Variants in CALN1 observed in about 807,000 individuals in gnomAD.
CALN1 encodes calneuron 1.
A neutral mutation model predicts 30.6 loss-of-function variants in CALN1; 17 were observed. The observed-to-expected ratio is 0.56, with a 90% confidence interval of 0.38 to 0.83. The LOEUF (loss-of-function observed/expected upper bound fraction) is 0.83, where lower values mean the gene tolerates loss of function less well. Ranked by LOEUF, CALN1 falls within the 40% of genes least tolerant of loss-of-function variation. The probability of loss-of-function intolerance (pLI) is 0.00; values close to 1 mark genes in which losing one functional copy is unlikely to be tolerated. For missense variants in CALN1, 291 were observed against 354.9 expected (o/e 0.82, Z 1.45); for synonymous variants, 156 against 131.4 (o/e 1.19, Z -1.28).
intron 5 of CALN1, among the ~76,000 whole-genome samples, chr7:71,878,202 A>C (rs1584428909): frequency 6.6e-6 from 1 of 152,186 alleles, no homozygotes; most frequent in Non-Finnish European, 1.5e-5. Context: ...AAGGATGTCC[A>C]TGAGGTACCA....
At chr7:72,470,926 G>A in the CALN1 span, among the ~76,000 whole-genome samples, 1 of 152,140 alleles carries the variant, frequency 6.6e-6, no homozygotes, top group African/African-American at 2.4e-5. Context: ...TGACCCCCAC[G>A]TGGGGCATCA....
chr7:72,213,752 T>A (rs1792576312), intron 3 of CALN1, among the ~76,000 whole-genome samples: 1 of 152,130 alleles, frequency 6.6e-6, no homozygotes, highest in South Asian at 2.1e-4. Flanking sequence ...TACTCAGCAA[T>A]GCACTCCACT....
Position 72,253,130 on chromosome 7 carries a change from C to T in CALN1, c.244+25556G>A, listed in dbSNP as rs570427879. Among the ~76,000 whole-genome samples the T allele has an allele frequency of 1.2e-4, 19 of 152,310 alleles. No homozygotes were observed. In the South Asian group the frequency reaches 3.1e-3, roughly 25 times the overall value. ...CCTGGACTTAGTCTCTTGGCTGGGT[C>T]CTCAGAGGCTGGACCTCTGTCTGAT... On this transcript the variant is annotated intron_variant, in intron 3 of 6. Transcript: ENST00000395275.
At chr7:72,273,105 A>T (rs1032715574) in intron 3 of CALN1, among the ~76,000 whole-genome samples, 18 of 151,570 alleles carry the variant, frequency 1.2e-4, no homozygotes, top group Non-Finnish European at 2.4e-4. Flanking sequence ...GAAACTGGAG[A>T]CGGCATGCAT....
chr7:72,040,124 T>A (rs138433234), intron 4 of CALN1, among the ~76,000 whole-genome samples: 49 of 152,204 alleles, frequency 3.2e-4, no homozygotes, highest in South Asian at 2.3e-3. Context: ...TAGGAAAAAA[T>A]TCAACTATTT....
chr7:71,895,634 G>A (rs112286357), intron 5 of CALN1, among the ~76,000 whole-genome samples: 163 of 152,236 alleles, frequency 1.1e-3, no homozygotes, highest in African/African-American at 3.8e-3. Context: ...CATGCCAGGT[G>A]CCCAACAAAA....
intron 5 of CALN1, among the ~76,000 whole-genome samples, chr7:71,886,320 T>A (rs1792905777): frequency 1.3e-5 from 2 of 152,256 alleles, no homozygotes; most frequent in African/African-American, 2.4e-5. Context: ...TGAAGTGCCC[T>A]GGAAGGGATT....
intron 3 of CALN1, among the ~76,000 whole-genome samples, chr7:72,222,163 T>C (rs879676207): frequency 1.1e-4 from 17 of 151,758 alleles, no homozygotes; most frequent in Non-Finnish European, 2.1e-4. Context: ...GAGGCAGAGA[T>C]TGCAGTGAGC....
At chr7:72,392,991 C>CTG (rs939592117) in intron 2 of CALN1, among the ~76,000 whole-genome samples, 7 of 151,930 alleles carry the variant, frequency 4.6e-5, no homozygotes, top group Non-Finnish European at 8.8e-5. Context: ...CAGCAAGACT[C>CTG]TGTCACTTAA....
intron 5 of CALN1, among the ~76,000 whole-genome samples, chr7:72,001,001 C>T (rs1254134689): frequency 6.6e-6 from 1 of 151,620 alleles, no homozygotes; most frequent in Non-Finnish European, 1.5e-5. Context: ...AGGCAGTCTC[C>T]CAATAGGTAG....
At chr7:71,972,984 G>A (rs1797923121) in intron 5 of CALN1, among the ~76,000 whole-genome samples, 1 of 152,182 alleles carries the variant, frequency 6.6e-6, no homozygotes, top group African/African-American at 2.4e-5. Context: ...CCAGCCAGGT[G>A]AGAGAATTGT....
chr7:72,209,137 C>T (rs1792135239), intron 3 of CALN1, among the ~76,000 whole-genome samples: 3 of 144,180 alleles, frequency 2.1e-5, no homozygotes, highest in Admixed American at 2.1e-4. Context: ...TTCTCTCCCT[C>T]TTTCATTCCT....
At chr7:72,028,070 A>T (rs954126572) in intron 4 of CALN1, among the ~76,000 whole-genome samples, 1,152 of 113,134 alleles carry the variant, frequency 0.01, 37 homozygotes, top group African/African-American at 0.051. Flanking sequence ...AAAAAAAAAA[A>T]AAAAAAAAAA....
intron 5 of CALN1, among the ~76,000 whole-genome samples, chr7:72,022,629 A>C (rs1281151050): frequency 6.6e-6 from 1 of 152,164 alleles, no homozygotes; most frequent in African/African-American, 2.4e-5. Flanking sequence ...CCTGGCCTCA[A>C]GCGATCCTCC....
chr7:72,196,245 G>A (rs1181739565), intron 3 of CALN1, among the ~76,000 whole-genome samples: 1 of 152,080 alleles, frequency 6.6e-6, no homozygotes, highest in Non-Finnish European at 1.5e-5. Flanking sequence ...AGCCTCCCAG[G>A]TAGCTGGGGC....
chr7:72,403,118 G>C, intron 2 of CALN1, 133 bp downstream of exon 2: 3 of 626,284 alleles, frequency 4.8e-6, no homozygotes, highest in Non-Finnish European at 8.2e-6. Context: ...AGCTCTCCCA[G>C]GTGTCCATTT....
At chr7:71,895,859 GACTTTT>G (rs1467585280) in intron 5 of CALN1, among the ~76,000 whole-genome samples, 1 of 152,144 alleles carries the variant, frequency 6.6e-6, no homozygotes, top group Non-Finnish European at 1.5e-5. Context: ...AAACAGCAGT[GACTTTT>G]ACACCAATCT....
intron 3 of CALN1, among the ~76,000 whole-genome samples, chr7:72,233,941 T>G (rs957075194): frequency 1.3e-5 from 2 of 151,352 alleles, no homozygotes; most frequent in Admixed American, 1.3e-4. Flanking sequence ...GAGACAGAGG[T>G]TGCAGTGAGT....
the CALN1 span, among the ~76,000 whole-genome samples, chr7:72,456,363 C>A: frequency 0.29 from 44,596 of 151,444 alleles, 7,943 homozygotes; most frequent in African/African-American, 0.49. Context: ...TCTCTACAAA[C>A]ATAAATAAAT....
Sources: gnomAD v4.1 joint callset for allele counts (sites outside exome capture counted in the v4.1 genomes callset) on GRCh38, gnomAD v4.1.1 for gene constraint, MANE v1.5 for transcripts, NCBI Gene and HGNC (gene_info 2026-07-23, HGNC 2026-07-21) for gene names.